DPP8: variants seen among roughly 807,000 people sequenced by gnomAD.
The protein encoded by DPP8 is dipeptidyl peptidase 8.
In DPP8, 31 loss-of-function variants were observed where a neutral mutation model predicts 107.5. The ratio of observed to expected loss-of-function variants is 0.29; its 90% CI spans 0.22 to 0.39. DPP8 has a LOEUF of 0.39. Among genes scored for constraint, DPP8 ranks in the 10% least tolerant of loss-of-function variants. DPP8 has a pLI of 1.00. For synonymous variants in DPP8, 381 were observed against 356.6 expected, an observed-to-expected ratio of 1.07 and a Z score of -0.77; for missense variants, 842 against 1,076.1, an observed-to-expected ratio of 0.78 and a Z score of 3.04.
chr15:65,508,172 G>A lies in DPP8; in HGVS notation c.260-817C>T, dbSNP rs185930110. Among the ~76,000 whole-genome samples the A allele has an allele frequency of 6.5e-3, 977 of 151,020 alleles. 6 individuals carry two copies. Among genetic ancestry groups the A allele is most frequent in the Non-Finnish European group, 0.01 (688 of 67,642 alleles). On this transcript the variant is annotated intron_variant, in intron 2 of 19. Coordinates refer to ENST00000300141, the MANE Select transcript of DPP8 (RefSeq NM_130434.5). Reference sequence around the variant, plus strand: ...GGAGAATTGCTTGAACCCAGGAGACGGAGATTGCAGTGAGCCGAGATCACA... The same window carrying A: ...GGAGAATTGCTTGAACCCAGGAGACAGAGATTGCAGTGAGCCGAGATCACA...
intron 11 of DPP8, among the ~76,000 whole-genome samples, chr15:65,478,160 C>A (rs1196839196): frequency 6.6e-6 from 1 of 151,964 alleles, no homozygotes; most frequent in Non-Finnish European, 1.5e-5. Flanking sequence ...AATCCAAAGA[C>A]CTATAACTAT....
chr15:65,508,003 C>T (rs1301616557), intron 2 of DPP8, among the ~76,000 whole-genome samples: 2 of 151,092 alleles, frequency 1.3e-5, no homozygotes, highest in African/African-American at 4.9e-5. Flanking sequence ...TTTGGGAGCC[C>T]GAGGCAGGCA....
intron 8 of DPP8, among the ~76,000 whole-genome samples, chr15:65,483,158 T>C (rs1244174499): frequency 6.6e-6 from 1 of 151,628 alleles, no homozygotes; most frequent in Non-Finnish European, 1.5e-5. Context: ...ATAGTAAATA[T>C]AATGGACAAG....
At position 65,498,041 on chromosome 15, in the gene DPP8, G is replaced by A. The variant is rs1014407277; in HGVS notation, c.547-9C>T. On this transcript the variant is annotated splice_polypyrimidine_tract_variant and intron_variant, in intron 4 of 19. Coordinates refer to ENST00000300141, the MANE Select transcript of DPP8 (RefSeq NM_130434.5). ...GGCCTTAAAGGTTGTTGCTAGAAAAGTAAACAACATTTTAAGGTAAGTATT... is the reference window on the plus strand; with the variant it reads ...GGCCTTAAAGGTTGTTGCTAGAAAAATAAACAACATTTTAAGGTAAGTATT... The A allele has an allele frequency of 1.1e-5, 17 of 1,575,736 alleles. No individual in the cohort carries two copies. Among genetic ancestry groups the A allele is most frequent in the Non-Finnish European group, 1.5e-5 (17 of 1,156,180 alleles).
Position 65,498,000 on chromosome 15 carries a change from A to G in DPP8, c.579T>C (p.Thr193=). ...QQPLRPNLVE[T]SCPNIRMDPK... is the part of the protein sequence containing the mutation. ...GATCCATCCGTATGTTGGGACAACTAGTTTCCACTAGATTGGGCCTTAAAG... is the reference window on the plus strand; with the variant it reads ...GATCCATCCGTATGTTGGGACAACTGGTTTCCACTAGATTGGGCCTTAAAG... Residue 193 remains threonine (T), a synonymous_variant, in exon 5 of 20, where the codon ACT becomes ACC. Coordinates refer to ENST00000300141, the MANE Select transcript of DPP8 (RefSeq NM_130434.5). The G allele has an allele frequency of 6.2e-7, 1 of 1,609,056 alleles. No homozygotes were observed. Among genetic ancestry groups the G allele is most frequent in the Non-Finnish European group, 8.5e-7 (1 of 1,176,948 alleles).
In DPP8 at chr15:65,497,569, A is replaced by C. The variant is rs556243827; in HGVS notation, c.715+295T>G. ...ATGCCTAGCCTAAAATTTTATTTTA[A>C]TAAGAACAGTTTTGGGAAAATTCTG... On this transcript the variant is annotated intron_variant, in intron 5 of 19. Coordinates refer to ENST00000300141, the MANE Select transcript of DPP8 (RefSeq NM_130434.5). 2.0e-5 allele frequency among the ~76,000 whole-genome samples: 3 copies of C among 152,318 alleles called. No individual in the cohort carries two copies. In the South Asian group the frequency reaches 6.2e-4, roughly 32 times the overall value.
Position 65,454,316 on chromosome 15 carries a change from A to T in DPP8, c.2218T>A (p.Tyr740Asn). 1 of 1,598,974 alleles carries T rather than the reference A, an allele frequency of 6.3e-7. No individual in the cohort carries two copies. Among genetic ancestry groups the T allele is most frequent in the Non-Finnish European group, 8.5e-7 (1 of 1,174,982 alleles). The change falls in exon 17 of 20, where the codon TAT (tyrosine) becomes AAT (asparagine). Residue 740 changes from tyrosine to asparagine, a missense_variant. This residue lies in a region of DPP8 where 179 missense variants were observed against 318.0 expected (regional missense o/e 0.56). Coordinates refer to ENST00000300141, the MANE Select transcript of DPP8 (RefSeq NM_130434.5). ...GCCATCAGGGAGAGGTATCCTCCAT[A>T]GGACCAGCCGTGGATGCCCACACGA... ...LDRVGIHGWS[Y>N]GGYLSLMALM...
At chr15:65,456,104 A>T in intron 16 of DPP8, 121 bp downstream of exon 16, 2 of 1,070,884 alleles carry the variant, frequency 1.9e-6, no homozygotes, top group South Asian at 1.5e-5. Flanking sequence ...ACTCTAACAC[A>T]TACACTCTCA....
At chr15:65,465,321 C>T in intron 14 of DPP8, among the ~76,000 whole-genome samples, 1 of 151,362 alleles carries the variant, frequency 6.6e-6, no homozygotes. Context: ...GTGCCCACCA[C>T]CACGTCTGGC....
At chr15:65,474,062 C>A in intron 12 of DPP8, 147 bp downstream of exon 12, 1 of 621,118 alleles carries the variant, frequency 1.6e-6, no homozygotes, top group Non-Finnish European at 2.9e-6. Context: ...CGAGATCACC[C>A]CATTGCACTC....
intron 10 of DPP8, among the ~76,000 whole-genome samples, chr15:65,479,301 C>T (rs539488338): frequency 6.6e-6 from 1 of 152,164 alleles, no homozygotes; most frequent in South Asian, 2.1e-4. Context: ...TTTTCTTACT[C>T]AACATCTCTA....
intron 2 of DPP8, among the ~76,000 whole-genome samples, chr15:65,510,436 G>A (rs1396779649): frequency 6.6e-6 from 1 of 151,936 alleles, no homozygotes; most frequent in Non-Finnish European, 1.5e-5. Context: ...CCTCTTCAGG[G>A]GTTGGGTGGA....
intron 15 of DPP8, among the ~76,000 whole-genome samples, chr15:65,460,488 C>A (rs1390084037): frequency 1.3e-5 from 2 of 151,980 alleles, no homozygotes; most frequent in African/African-American, 2.4e-5. Flanking sequence ...TCCCCATCCT[C>A]CTTCCATCCA....
chr15:65,488,603 CAAAAAAAA>C (rs1166493197), intron 6 of DPP8, among the ~76,000 whole-genome samples: 2 of 45,288 alleles, frequency 4.4e-5, no homozygotes, highest in African/African-American at 8.4e-5. Flanking sequence ...GACCCTGCCT[CAAAAAAAA>C]AAAAAAAAAA....
intron 8 of DPP8, among the ~76,000 whole-genome samples, chr15:65,484,875 A>G (rs1366912664): frequency 1.3e-5 from 2 of 152,204 alleles, no homozygotes; most frequent in Non-Finnish European, 2.9e-5. Flanking sequence ...GCGAACAGAA[A>G]AACTATTGGA....
chr15:65,450,855 C>G, intron 19 of DPP8, 144 bp downstream of exon 19: 1 of 575,976 alleles, frequency 1.7e-6, no homozygotes, highest in Middle Eastern at 4.6e-4. Context: ...ACTACAGGCA[C>G]TACTAAATAT....
intron 14 of DPP8, among the ~76,000 whole-genome samples, chr15:65,466,068 T>C (rs1000106917): frequency 6.6e-5 from 10 of 152,166 alleles, no homozygotes; most frequent in Non-Finnish European, 1.3e-4. Context: ...TCAAGTTCAT[T>C]TGTTTACCTG....
chr15:65,511,982 T>C (rs1194348102), intron 2 of DPP8: 3 of 468,698 alleles, frequency 6.4e-6, no homozygotes, highest in Admixed American at 2.7e-5. Flanking sequence ...AACAAACTAA[T>C]GGTTTTATTG....
intron 7 of DPP8, 35 bp from the exon 8 acceptor site, chr15:65,485,195 T>A (rs900031359): frequency 6.8e-7 from 1 of 1,478,848 alleles, no homozygotes; most frequent in Admixed American, 1.7e-5. Context: ...GTAATGTTTA[T>A]CCAAAATTAC....
Sources: allele counts gnomAD v4.1 joint callset (sites outside exome capture counted in the v4.1 genomes callset), GRCh38; gene constraint gnomAD v4.1.1; regional missense constraint gnomAD v4.1.1; transcripts MANE v1.5; gene names NCBI Gene and HGNC (gene_info 2026-07-23, HGNC 2026-07-21).